Variants in LINGO2 observed in about 807,000 individuals in gnomAD.
LINGO2 encodes the protein leucine-rich repeat and immunoglobulin-like domain-containing nogo receptor-interacting protein 2.
Under a neutral mutation model 30.6 loss-of-function variants are expected in LINGO2, and 14 were observed. That is an observed-to-expected ratio of 0.46 (90% CI 0.30 to 0.72). LINGO2 has a LOEUF of 0.72. Ranked by LOEUF, LINGO2 falls within the 30% of genes least tolerant of loss-of-function variation. The probability of loss-of-function intolerance (pLI) is 0.07; values close to 1 mark genes in which losing one functional copy is unlikely to be tolerated. For synonymous variants in LINGO2, 317 were observed against 288.5 expected (o/e 1.10, Z -1.00); for missense variants, 729 against 751.7 (o/e 0.97, Z 0.35).
chr9:27,964,745 G>A lies in LINGO2; in HGVS notation c.-35-14039C>T, dbSNP rs1380428322. On this transcript the variant is annotated intron_variant, in intron 5 of 5. Coordinates refer to ENST00000379992, the Ensembl canonical transcript of LINGO2. ...TCAGTCCTTTTGTGTAGCAATTTCTGGGGGTTCTTCAGGATCCACAATCAA... is the reference window on the plus strand; with the variant it reads ...TCAGTCCTTTTGTGTAGCAATTTCTAGGGGTTCTTCAGGATCCACAATCAA... 2.0e-5 allele frequency among the ~76,000 whole-genome samples: 3 copies of A among 152,152 alleles called. No homozygotes were observed. In the East Asian group the frequency reaches 5.8e-4, roughly 29 times the overall value.
intron 3 of LINGO2, among the ~76,000 whole-genome samples, chr9:28,311,100 G>T (rs1824599036): frequency 2.0e-5 from 3 of 152,106 alleles, no homozygotes; most frequent in Admixed American, 2.0e-4. Context: ...AAATTTTAAA[G>T]CTGGATGTCC....
At chr9:28,532,058 A>T (rs988055275) in intron 1 of LINGO2, among the ~76,000 whole-genome samples, 2 of 152,142 alleles carry the variant, frequency 1.3e-5, no homozygotes, top group South Asian at 2.1e-4. Context: ...TCAGATTTTT[A>T]AAAATGAGGC....
At chr9:28,775,487 G>C in the LINGO2 span, among the ~76,000 whole-genome samples, 1 of 152,128 alleles carries the variant, frequency 6.6e-6, no homozygotes, top group African/African-American at 2.4e-5. Flanking sequence ...ATACCAGCAT[G>C]GTTTGGAAGT....
intron 1 of LINGO2, among the ~76,000 whole-genome samples, chr9:28,514,358 T>G (rs1820534275): frequency 6.6e-6 from 1 of 152,192 alleles, no homozygotes; most frequent in Admixed American, 6.5e-5. Context: ...CATTGAAAGC[T>G]AAGATAGGCT....
At chr9:29,129,068 A>C in the LINGO2 span, among the ~76,000 whole-genome samples, 2 of 152,156 alleles carry the variant, frequency 1.3e-5, no homozygotes, top group Non-Finnish European at 2.9e-5. Flanking sequence ...TTTGGCATAG[A>C]AGGTTATAAA....
chr9:28,784,796 A>G, the LINGO2 span, among the ~76,000 whole-genome samples: 2 of 152,110 alleles, frequency 1.3e-5, no homozygotes, highest in Non-Finnish European at 2.9e-5. Context: ...TACTAAAAAT[A>G]CAAAAGTTAG....
chr9:28,925,395 T>C, the LINGO2 span, among the ~76,000 whole-genome samples: 2 of 152,156 alleles, frequency 1.3e-5, no homozygotes, highest in Admixed American at 1.3e-4. Flanking sequence ...AGACTAAAGG[T>C]CAGCCACACA....
intron 1 of LINGO2, among the ~76,000 whole-genome samples, chr9:28,659,454 T>G (rs1828500913): frequency 6.6e-6 from 1 of 151,964 alleles, no homozygotes; most frequent in Non-Finnish European, 1.5e-5. Context: ...TTTTCCTTTT[T>G]TATCTTTTTT....
rs12235185 is a variant in LINGO2, at chr9:28,298,668, A to G, written c.-245-3302T>C. 0.016 allele frequency among the ~76,000 whole-genome samples: 2,331 copies of G among 149,674 alleles called. 142 individuals carry two copies. In the East Asian group the frequency reaches 0.2, roughly 13 times the overall value. Reference sequence around the variant, plus strand: ...ATTGCACTCCAGCCTGGGCAACAAGAGCAAAACTCTGTCTCAAAAAAAAAA... The same window carrying G: ...ATTGCACTCCAGCCTGGGCAACAAGGGCAAAACTCTGTCTCAAAAAAAAAA... On this transcript the variant is annotated intron_variant, in intron 3 of 5. Coordinates refer to ENST00000379992, the Ensembl canonical transcript of LINGO2.
At chr9:28,039,823 G>A (rs1296084344) in intron 4 of LINGO2, among the ~76,000 whole-genome samples, 2 of 152,166 alleles carry the variant, frequency 1.3e-5, no homozygotes, top group African/African-American at 2.4e-5. Flanking sequence ...CTTACGTGGT[G>A]TTAGGCTTAT....
intron 2 of LINGO2, among the ~76,000 whole-genome samples, chr9:28,425,319 ATG>A (rs1190768793): frequency 1.9e-5 from 2 of 107,862 alleles, no homozygotes; most frequent in South Asian, 6.7e-4. Flanking sequence ...CACAGTATAT[ATG>A]TGTGTGTGTA....
intron 5 of LINGO2, among the ~76,000 whole-genome samples, chr9:27,979,388 G>T (rs1355781877): frequency 2.0e-5 from 3 of 151,540 alleles, no homozygotes; most frequent in African/African-American, 7.2e-5. Flanking sequence ...AAAGGCCTAG[G>T]GTTGGTATAC....
At chr9:28,003,197 G>C (rs1822051668) in intron 5 of LINGO2, among the ~76,000 whole-genome samples, 1 of 152,076 alleles carries the variant, frequency 6.6e-6, no homozygotes, top group Non-Finnish European at 1.5e-5. Context: ...GGTAGGGAGA[G>C]CTCCTTAAAA....
At chr9:28,455,847 T>C (rs1824824764) in intron 2 of LINGO2, among the ~76,000 whole-genome samples, 1 of 152,078 alleles carries the variant, frequency 6.6e-6, no homozygotes. Context: ...CATTTGGCAG[T>C]TCTTCACCTA....
Position 28,148,487 on chromosome 9 carries a change from AC to A in LINGO2, c.-86-136083del. ...AACGGAGGTGACAGACCAGGTAGAG[AC>A]CCAGGGGCAGGAGGACAATAAAAGG... is the stretch of plus-strand genomic sequence containing the variant. On this transcript the variant is annotated intron_variant, in intron 4 of 5. Coordinates refer to ENST00000379992, the Ensembl canonical transcript of LINGO2. This position sits in a 1 kb window ranked among gnomAD's most constrained non-coding sequence, Gnocchi z 5.1. 1 of 1,440,062 alleles carries A rather than the reference AC, an allele frequency of 6.9e-7. No individual in the cohort carries two copies. The highest frequency in any genetic ancestry group is 9.4e-7 in the Non-Finnish European group (1 of 1,060,862). The allele number at this position is 1,440,062 out of a possible 1,614,324, so 89.2% of individuals were successfully genotyped here.
At chr9:27,968,281 T>TCAA (rs1820193564) in intron 5 of LINGO2, among the ~76,000 whole-genome samples, 2 of 152,198 alleles carry the variant, frequency 1.3e-5, no homozygotes, top group South Asian at 4.1e-4. Flanking sequence ...TTACATTATT[T>TCAA]TATATATTGA....
At chr9:29,169,473 C>T in the LINGO2 span, among the ~76,000 whole-genome samples, 1 of 151,738 alleles carries the variant, frequency 6.6e-6, no homozygotes, top group East Asian at 1.9e-4. Context: ...AAAAGACATA[C>T]ACAGACATTC....
intron 3 of LINGO2, among the ~76,000 whole-genome samples, chr9:28,336,131 T>C (rs1326384254): frequency 6.6e-6 from 1 of 152,184 alleles, no homozygotes; most frequent in African/African-American, 2.4e-5. Context: ...TTCTAGTAGA[T>C]ATGTAGTAGT....
chr9:28,521,529 T>A (rs1438950166), intron 1 of LINGO2, among the ~76,000 whole-genome samples: 1 of 152,040 alleles, frequency 6.6e-6, no homozygotes, highest in African/African-American at 2.4e-5. Flanking sequence ...GTCATGTTCT[T>A]CCCCCCATTT....
Sources: gnomAD v4.1 joint callset for allele counts (sites outside exome capture counted in the v4.1 genomes callset) on GRCh38, gnomAD v4.1.1 for gene constraint, Gnocchi (gnomAD v3.1) non-coding constraint, MANE v1.5 for transcripts, NCBI Gene and HGNC (gene_info 2026-07-23, HGNC 2026-07-21) for gene names.